Variants in SMAP2 observed in about 807,000 individuals in gnomAD.
SMAP2 encodes the protein small ArfGAP2, also known as stromal membrane-associated protein 2.
Under a neutral mutation model 56.4 loss-of-function variants are expected in SMAP2, and 25 were observed. The observed-to-expected ratio is 0.44, with a 90% CI of 0.32 to 0.62. The LOEUF (loss-of-function observed/expected upper bound fraction) is 0.62. SMAP2 is among the 20% of genes least tolerant of loss of function. The pLI is 0.04. For synonymous variants in SMAP2, 157 were observed against 181.7 expected, an observed-to-expected ratio of 0.86 and a Z score of 1.09; for missense variants, 388 against 545.6, an observed-to-expected ratio of 0.71 and a Z score of 2.88.
chr1:40,396,122 T>C (rs1644769545), intron 1 of SMAP2, among the ~76,000 whole-genome samples: 2 of 152,208 alleles, frequency 1.3e-5, no homozygotes, highest in South Asian at 4.1e-4. Flanking sequence ...TTTCTTCTGC[T>C]AGAATCTCCA....
intron 1 of SMAP2, among the ~76,000 whole-genome samples, chr1:40,376,308 A>G (rs986444518): frequency 6.6e-6 from 1 of 152,238 alleles, no homozygotes; most frequent in African/African-American, 2.4e-5. Context: ...ATGAAATATC[A>G]GTTAATTCTT....
chr1:40,364,605 A>C (rs904572190), intron 2 of SMAP2, among the ~76,000 whole-genome samples: 1 of 152,042 alleles, frequency 6.6e-6, no homozygotes, highest in African/African-American at 2.4e-5. Flanking sequence ...TTAGCTGGAC[A>C]TGGTGATGTA....
intron 1 of SMAP2, among the ~76,000 whole-genome samples, chr1:40,397,324 A>G (rs185844655): frequency 6.6e-6 from 1 of 152,314 alleles, no homozygotes; most frequent in Non-Finnish European, 1.5e-5. Context: ...CTGATTACCA[A>G]ACCTCTGTTT....
intron 1 of SMAP2, among the ~76,000 whole-genome samples, chr1:40,349,152 C>T (rs1644400265): frequency 6.6e-6 from 1 of 152,188 alleles, no homozygotes; most frequent in South Asian, 2.1e-4. Context: ...TAAATTCTCT[C>T]ACAATTTCAT....
chr1:40,402,202 T>C (rs1644841358), intron 1 of SMAP2, among the ~76,000 whole-genome samples: 1 of 152,266 alleles, frequency 6.6e-6, no homozygotes, highest in Non-Finnish European at 1.5e-5. Context: ...TTATCTCTTT[T>C]TATTGATACA....
chr1:40,352,438 A>T (rs2124160032), intron 1 of SMAP2, among the ~76,000 whole-genome samples: 1 of 152,202 alleles, frequency 6.6e-6, no homozygotes, highest in Admixed American at 6.5e-5. Context: ...CTCGGAAAAG[A>T]ACTCCACTCT....
At chr1:40,377,717 G>A (rs1293087106) in intron 1 of SMAP2, among the ~76,000 whole-genome samples, 1 of 152,210 alleles carries the variant, frequency 6.6e-6, no homozygotes, top group African/African-American at 2.4e-5. Flanking sequence ...ACTGGTCCAA[G>A]TTTTAACTTC....
chr1:40,403,723 T>C (rs186755861), intron 1 of SMAP2: 2 of 857,830 alleles, frequency 2.3e-6, no homozygotes, highest in Admixed American at 1.2e-4. Context: ...GTTTTATAGA[T>C]GAGGAAACTA....
chr1:40,357,532 T>G (rs1452546449), intron 1 of SMAP2, among the ~76,000 whole-genome samples: 1 of 151,708 alleles, frequency 6.6e-6, no homozygotes, highest in Non-Finnish European at 1.5e-5. Context: ...GTTTCCTCAG[T>G]GTTTTCTTTT....
chr1:40,415,247 T>C, intron 6 of SMAP2, 25 bp from the exon 7 acceptor site: 1 of 1,566,962 alleles, frequency 6.4e-7, no homozygotes, highest in African/African-American at 1.4e-5. Context: ...CAGTGCTGCA[T>C]CTTAACTTCG....
chr1:40,377,277 G>A (rs1205771973), intron 1 of SMAP2, among the ~76,000 whole-genome samples: 1 of 152,212 alleles, frequency 6.6e-6, no homozygotes, highest in Non-Finnish European at 1.5e-5. Flanking sequence ...GCCTGGGTCA[G>A]AGAGCAAGAC....
chr1:40,408,790 G>A lies in SMAP2; in HGVS notation c.323+52G>A. 6.9e-7 allele frequency: 1 copy of A among 1,456,860 alleles called. No homozygotes were observed. The highest frequency in any genetic ancestry group is 9.6e-7 in the Non-Finnish European group (1 of 1,037,708). The allele number at this position is 1,456,860 out of a possible 1,614,324, so 90.2% of individuals were successfully genotyped here. A position where few individuals can be genotyped will look rare whatever the true frequency, so the allele number is the denominator to read the frequency against. On this transcript the variant is annotated intron_variant, in intron 3 of 9. Transcript: ENST00000372718. This position sits in a 1 kb window ranked among gnomAD's most constrained non-coding sequence, Gnocchi z 4.3. ...GCTGAGTGGTATTTTGATGCTTGGG[G>A]AGAGTCAGACAAGACTCCAGTCCTG...
chr1:40,418,249 G>A (rs549701082), intron 9 of SMAP2, among the ~76,000 whole-genome samples: 8 of 152,044 alleles, frequency 5.3e-5, no homozygotes, highest in Non-Finnish European at 4.4e-5. Flanking sequence ...CAAAATTTTC[G>A]TATAAAGACT....
intron 4 of SMAP2, among the ~76,000 whole-genome samples, chr1:40,411,514 T>G (rs1038900233): frequency 3.9e-5 from 6 of 152,186 alleles, no homozygotes; most frequent in Admixed American, 2.6e-4. Context: ...TGGTATACTG[T>G]ACCCATGAAA....
intron 1 of SMAP2, among the ~76,000 whole-genome samples, chr1:40,404,951 CTT>C (rs1310555841): frequency 6.6e-6 from 1 of 152,122 alleles, no homozygotes; most frequent in Non-Finnish European, 1.5e-5. Flanking sequence ...GACTAAATAT[CTT>C]TTTAGAAGGT....
chr1:40,412,992 CT>C lies in SMAP2; in HGVS notation c.403-21del, dbSNP rs775607659. 3 of 1,570,964 alleles carry C rather than the reference CT, an allele frequency of 1.9e-6. No individual in the cohort carries two copies. In the South Asian group the frequency reaches 3.4e-5, roughly 18 times the overall value. ...TATTAGTCACCTTGGGCCCTGTGTT[CT>C]TTGTCTTGTTAAATCATTATAGAAA... On this transcript the variant is annotated intron_variant, in intron 4 of 9. Coordinates refer to ENST00000372718, the MANE Select transcript of SMAP2 (RefSeq NM_022733.3).
upstream of SMAP2, among the ~76,000 whole-genome samples, chr1:40,371,554 A>G (rs1231074217): frequency 6.6e-6 from 1 of 152,210 alleles, no homozygotes; most frequent in African/African-American, 2.4e-5. Flanking sequence ...AGGCTAATAG[A>G]GCAACCAACA....
intron 1 of SMAP2, among the ~76,000 whole-genome samples, chr1:40,398,999 G>A (rs1310083728): frequency 6.6e-6 from 1 of 152,268 alleles, no homozygotes; most frequent in Non-Finnish European, 1.5e-5. Flanking sequence ...TTTAGAAAAA[G>A]TAAAGGGTGG....
chr1:40,346,112 A>G (rs1644385172), intron 1 of SMAP2, among the ~76,000 whole-genome samples: 1 of 150,558 alleles, frequency 6.6e-6, no homozygotes, highest in African/African-American at 2.4e-5. Flanking sequence ...GCACCCAGCC[A>G]CAATATACTT....
Sources: gnomAD v4.1 joint callset for allele counts (sites outside exome capture counted in the v4.1 genomes callset) on GRCh38, gnomAD v4.1.1 for gene constraint, Gnocchi (gnomAD v3.1) non-coding constraint, MANE v1.5 for transcripts, NCBI Gene and HGNC (gene_info 2026-07-23, HGNC 2026-07-21) for gene names.